The following ADAM29 variants were observed in gnomAD, a reference collection of about 807,000 sequenced individuals.
The protein encoded by ADAM29 is ADAM metallopeptidase domain 29, also known as disintegrin and metalloproteinase domain-containing protein 29.
For synonymous variants in ADAM29, 367 were observed against 342.3 expected, an observed-to-expected ratio of 1.07 and a Z score of -0.80; for missense variants, 969 against 1,001.8, an observed-to-expected ratio of 0.97 and a Z score of 0.44.
Position 174,978,080 on chromosome 4 carries a change from A to G in ADAM29, c.*92A>G. ...GTGACACCCTCCCAGAGTCAACCTC[A>G]TGTGACACCTTACCGGAGTAAAAGT... On this transcript the variant is annotated 3_prime_UTR_variant, in exon 5 of 5. Coordinates refer to ENST00000359240, the MANE Select transcript of ADAM29 (RefSeq NM_014269.4). 6.4e-7 allele frequency: 1 copy of G among 1,558,712 alleles called. No homozygotes were observed.
At chr4:174,963,822 C>T (rs939224151) in intron 4 of ADAM29, among the ~76,000 whole-genome samples, 1 of 152,038 alleles carries the variant, frequency 6.6e-6, no homozygotes, top group Non-Finnish European at 1.5e-5. Flanking sequence ...GCTGGGATTA[C>T]AGGTGCCCAC....
chr4:174,939,494 C>A (rs1744404198), intron 4 of ADAM29, among the ~76,000 whole-genome samples: 1 of 152,084 alleles, frequency 6.6e-6, no homozygotes, highest in Non-Finnish European at 1.5e-5. Flanking sequence ...TCACTCCAAG[C>A]CAGCATTTGC....
intron 4 of ADAM29, among the ~76,000 whole-genome samples, chr4:174,938,125 A>G (rs1296683748): frequency 6.6e-6 from 1 of 152,194 alleles, no homozygotes; most frequent in Admixed American, 6.6e-5. Context: ...GTCTCTAAAT[A>G]CAAATGAACA....
At chr4:174,968,575 G>C (rs1746282784) in intron 4 of ADAM29, among the ~76,000 whole-genome samples, 1 of 151,864 alleles carries the variant, frequency 6.6e-6, no homozygotes, top group Non-Finnish European at 1.5e-5. Flanking sequence ...TTCTTCTCTG[G>C]GTGGCAATTA....
chr4:174,928,306 G>A (rs953575713), intron 2 of ADAM29, among the ~76,000 whole-genome samples: 1 of 151,994 alleles, frequency 6.6e-6, no homozygotes, highest in Admixed American at 6.6e-5. Flanking sequence ...GAGCTGAGAT[G>A]GGTGTGCAGG....
rs774095655 is a variant in ADAM29, at chr4:174,975,740, T to C, written c.215T>C (p.Leu72Pro). The part of the protein sequence containing the change: ...KHIIHIKVKK[L>P]LFSKHLPVFT... ...ATTATCCACATAAAGGTCAAGAAGCTTTTGTTTTCCAAACACCTCCCTGTG... is the reference window on the plus strand; with the variant it reads ...ATTATCCACATAAAGGTCAAGAAGCCTTTGTTTTCCAAACACCTCCCTGTG... Residue 72 changes from leucine (L) to proline (P), a missense_variant, in exon 5 of 5, where the codon CTT becomes CCT. Physicochemically the swap from Leu to Pro is moderately conservative, Grantham distance 98. Transcript: ENST00000359240. The C allele has an allele frequency of 9.9e-6, 16 of 1,612,836 alleles. No homozygotes were observed. The highest frequency in any genetic ancestry group is 1.7e-4 in the Middle Eastern group (1 of 6,052).
intron 4 of ADAM29, among the ~76,000 whole-genome samples, chr4:174,950,011 C>T (rs539498746): frequency 1.7e-4 from 26 of 152,222 alleles, no homozygotes; most frequent in Admixed American, 1.7e-3. Context: ...TAACCAATAA[C>T]CTATCTTGGA....
chr4:174,962,511 CAA>C (rs578109941), intron 4 of ADAM29, among the ~76,000 whole-genome samples: 12 of 63,508 alleles, frequency 1.9e-4, no homozygotes, highest in Admixed American at 1.8e-4. Flanking sequence ...GACTCCGTCA[CAA>C]AAAAAAAAAA....
At chr4:174,945,723 T>C (rs1247097659) in intron 4 of ADAM29, among the ~76,000 whole-genome samples, 2 of 152,170 alleles carry the variant, frequency 1.3e-5, no homozygotes, top group Admixed American at 1.3e-4. Flanking sequence ...CTAGCCAGAA[T>C]TCCAGCACCA....
chr4:174,974,700 A>C (rs977784651), intron 4 of ADAM29, among the ~76,000 whole-genome samples: 7 of 152,250 alleles, frequency 4.6e-5, no homozygotes, highest in African/African-American at 1.2e-4. Context: ...ATAAAGAATT[A>C]AACCAGGCAT....
intron 4 of ADAM29, among the ~76,000 whole-genome samples, chr4:174,942,651 C>G (rs1744605126): frequency 6.6e-6 from 1 of 152,130 alleles, no homozygotes; most frequent in South Asian, 2.1e-4. Flanking sequence ...AACCATTTTT[C>G]CCTCCTAGGC....
intron 2 of ADAM29, among the ~76,000 whole-genome samples, chr4:174,925,747 G>A (rs1350927852): frequency 1.3e-5 from 2 of 152,200 alleles, no homozygotes; most frequent in African/African-American, 4.8e-5. Context: ...AAAGACTTGT[G>A]CTCCTGAGAA....
At chr4:174,964,949 A>G (rs1261766281) in intron 4 of ADAM29, among the ~76,000 whole-genome samples, 1 of 152,082 alleles carries the variant, frequency 6.6e-6, no homozygotes, top group Admixed American at 6.6e-5. Context: ...TGAACAGGAG[A>G]TGGTGGTTTA....
intron 3 of ADAM29, among the ~76,000 whole-genome samples, chr4:174,932,982 T>C (rs1418391304): frequency 6.6e-6 from 1 of 152,090 alleles, no homozygotes; most frequent in Admixed American, 6.5e-5. Flanking sequence ...CACAGATAGG[T>C]CCCATGTGAT....
chr4:174,952,219 G>A (rs1407064011), intron 4 of ADAM29, among the ~76,000 whole-genome samples: 2 of 151,742 alleles, frequency 1.3e-5, no homozygotes, highest in East Asian at 3.9e-4. Flanking sequence ...TTGACATGAG[G>A]GCTCTCCGCG....
At chr4:174,940,147 T>C (rs923305722) in intron 4 of ADAM29, among the ~76,000 whole-genome samples, 4 of 152,168 alleles carry the variant, frequency 2.6e-5, no homozygotes, top group Admixed American at 6.6e-5. Flanking sequence ...GTGGTTAGTT[T>C]TCTTCCAGGG....
intron 4 of ADAM29, among the ~76,000 whole-genome samples, chr4:174,951,720 A>C (rs1432626069): frequency 2.0e-5 from 3 of 152,194 alleles, no homozygotes; most frequent in Admixed American, 2.0e-4. Flanking sequence ...AACAGACAGT[A>C]TCATATTGTT....
intron 2 of ADAM29, among the ~76,000 whole-genome samples, chr4:174,923,520 T>G (rs28566646): frequency 0.12 from 3,702 of 29,648 alleles, 320 homozygotes; most frequent in African/African-American, 0.36. Flanking sequence ...TACTGTGCAT[T>G]ATATGTATAT....
At chr4:174,927,431 A>T (rs1480595249) in intron 2 of ADAM29, among the ~76,000 whole-genome samples, 1 of 152,180 alleles carries the variant, frequency 6.6e-6, no homozygotes, top group Non-Finnish European at 1.5e-5. Flanking sequence ...TACTATGTTG[A>T]ATGTTCTAAT....
Sources: allele counts gnomAD v4.1 joint callset (sites outside exome capture counted in the v4.1 genomes callset), GRCh38; gene constraint gnomAD v4.1.1; transcripts MANE v1.5; gene names NCBI Gene and HGNC (gene_info 2026-07-23, HGNC 2026-07-21).